ANK2: variants seen among roughly 807,000 people sequenced by gnomAD.
The protein encoded by ANK2 is ankyrin 2, also known as ankyrin-2.
In ANK2, 83 loss-of-function variants were observed where a neutral mutation model predicts 360.5. That is an observed-to-expected ratio of 0.23 (90% CI 0.19 to 0.28). ANK2 has a LOEUF of 0.28. ANK2 is among the 10% of genes least tolerant of loss of function. ANK2 has a pLI of 1.00. For synonymous variants in ANK2, 1,740 were observed against 1,759.5 expected, an observed-to-expected ratio of 0.99 and a Z score of 0.28; for missense variants, 4,201 against 4,795.7, an observed-to-expected ratio of 0.88 and a Z score of 3.66.
chr4:112,818,646 C>A (rs2056067223), intron 1 of ANK2, among the ~76,000 whole-genome samples: 1 of 152,092 alleles, frequency 6.6e-6, no homozygotes, highest in Non-Finnish European at 1.5e-5. Context: ...CAGAATACTG[C>A]TTGTGTTAAG....
chr4:113,042,619 G>T lies in ANK2; in HGVS notation c.22-131797G>T, dbSNP rs181114765. ...ACACTGAGAGTCTATGGACAAACAT[G>T]CTTGCTGATACTTTTAGGCCTAGGA... On this transcript the variant is annotated intron_variant, in intron 2 of 30. Coordinates refer to the ANK2 transcript ENST00000503271. Among the ~76,000 whole-genome samples, 27 of 152,238 alleles carry T rather than the reference G, an allele frequency of 1.8e-4. No individual in the cohort carries two copies. The East Asian group carries it at 5.0e-3, about 28-fold the overall frequency.
At chr4:112,945,443 C>A (rs1432584796) in intron 2 of ANK2, among the ~76,000 whole-genome samples, 2 of 152,150 alleles carry the variant, frequency 1.3e-5, no homozygotes, top group Non-Finnish European at 2.9e-5. Context: ...CATAGTGCCT[C>A]ATTACAAAAA....
At chr4:113,366,728 C>A (rs1231356869) in intron 41 of ANK2, among the ~76,000 whole-genome samples, 2 of 152,310 alleles carry the variant, frequency 1.3e-5, no homozygotes, top group Middle Eastern at 3.4e-3. Context: ...CCTTTCCTGA[C>A]AAGTCTATTT....
In ANK2 at chr4:112,881,831, C is replaced by CT. The variant is rs546263070; in HGVS notation, c.-39-22619dup. The CT allele has an allele frequency of 6.2e-4, 578 of 937,914 alleles. 10 individuals carry two copies. The South Asian group carries it at 7.6e-3, about 12-fold the overall frequency. 58.1% of individuals were successfully genotyped at this position (937,914 alleles called of 1,614,324 possible). On this transcript the variant is annotated intron_variant, in intron 1 of 30. Transcript: ENST00000503271. ...CTTCTTTAATGCCACCAACAAATAT[C>CT]TTTTTCACAGTTAAGTGGGCACCGG...
At chr4:113,336,188 A>T (rs1588492921) in intron 30 of ANK2, 131 bp downstream of exon 30, 1 of 995,864 alleles carries the variant, frequency 1.0e-6, no homozygotes, top group African/African-American at 1.6e-5. Context: ...TGGTAAAGCT[A>T]AAGTCAAAAT....
At chr4:112,850,053 T>G (rs2064294218) in intron 1 of ANK2, among the ~76,000 whole-genome samples, 1 of 152,086 alleles carries the variant, frequency 6.6e-6, no homozygotes, top group African/African-American at 2.4e-5. Flanking sequence ...GCCTTTGGAT[T>G]TCAAGATTTA....
At chr4:113,094,310 C>A (rs994812249) in intron 1 of ANK2, among the ~76,000 whole-genome samples, 1 of 152,080 alleles carries the variant, frequency 6.6e-6, no homozygotes, top group Non-Finnish European at 1.5e-5. Context: ...GCATCAGATT[C>A]ATAAATAAAT....
At chr4:112,894,939 A>C (rs2081296096) in intron 1 of ANK2, among the ~76,000 whole-genome samples, 1 of 152,160 alleles carries the variant, frequency 6.6e-6, no homozygotes, top group African/African-American at 2.4e-5. Flanking sequence ...ACTATAACTA[A>C]TAAGTGGTAA....
the ANK2 span, chr4:112,797,200 T>C: frequency 1.0e-4 from 16 of 159,196 alleles, no homozygotes; most frequent in African/African-American, 3.8e-4. Context: ...CCAAATCATC[T>C]TTGACTGCAC....
intron 1 of ANK2, among the ~76,000 whole-genome samples, chr4:113,054,921 A>G (rs918582786): frequency 7.9e-5 from 12 of 152,160 alleles, no homozygotes; most frequent in Non-Finnish European, 2.9e-5. Context: ...TAACTAATTT[A>G]TCCTTTTTAG....
At chr4:112,772,915 G>T in the ANK2 span, among the ~76,000 whole-genome samples, 2 of 152,182 alleles carry the variant, frequency 1.3e-5, no homozygotes, top group Admixed American at 6.5e-5. Flanking sequence ...GGCTGTACAA[G>T]AATTATGTGG....
chr4:113,000,570 A>G (rs983538118), intron 2 of ANK2, among the ~76,000 whole-genome samples: 4 of 152,084 alleles, frequency 2.6e-5, no homozygotes, highest in African/African-American at 9.7e-5. Flanking sequence ...TTTATGGAGG[A>G]AGATAATCCG....
the ANK2 span, among the ~76,000 whole-genome samples, chr4:112,756,531 A>G: frequency 6.6e-6 from 1 of 152,222 alleles, no homozygotes; most frequent in Non-Finnish European, 1.5e-5. Context: ...CTGGTATCCA[A>G]GTACTTGCTA....
intron 1 of ANK2, among the ~76,000 whole-genome samples, chr4:113,072,292 T>C (rs546939620): frequency 5.8e-4 from 89 of 152,312 alleles, no homozygotes; most frequent in Middle Eastern, 6.8e-3. Context: ...TTTGTAACAA[T>C]TTTTATGTCC....
chr4:113,348,661 T>TA (rs2095155680), intron 36 of ANK2, among the ~76,000 whole-genome samples: 1 of 152,132 alleles, frequency 6.6e-6, no homozygotes, highest in East Asian at 1.9e-4. Context: ...TAATTAAATG[T>TA]CTTAGTACAT....
At chr4:112,912,753 GT>G (rs1170310627) in intron 2 of ANK2, among the ~76,000 whole-genome samples, 2 of 151,886 alleles carry the variant, frequency 1.3e-5, no homozygotes, top group African/African-American at 4.8e-5. Context: ...TAATTTTTAG[GT>G]TCTAGTCCCA....
At chr4:113,251,354 C>T (rs182175114) in intron 10 of ANK2, among the ~76,000 whole-genome samples, 27 of 151,250 alleles carry the variant, frequency 1.8e-4, no homozygotes, top group African/African-American at 6.3e-4. Flanking sequence ...TAAAGTGTCT[C>T]TGAGTGTACA....
the ANK2 span, among the ~76,000 whole-genome samples, chr4:112,760,808 C>CTTTT: frequency 7.2e-6 from 1 of 138,294 alleles, no homozygotes; most frequent in African/African-American, 2.7e-5. Context: ...TCTTCTTCTT[C>CTTTT]TTTTTTTTTT....
At chr4:113,166,402 A>T (rs929495561) in intron 1 of ANK2, among the ~76,000 whole-genome samples, 6 of 151,994 alleles carry the variant, frequency 3.9e-5, no homozygotes, top group Non-Finnish European at 1.5e-5. Context: ...ATTCTTCAAA[A>T]ATGAGCGTAT....
Sources: gnomAD v4.1 joint callset for allele counts (sites outside exome capture counted in the v4.1 genomes callset) on GRCh38, gnomAD v4.1.1 for gene constraint, MANE v1.5 for transcripts, NCBI Gene and HGNC (gene_info 2026-07-23, HGNC 2026-07-21) for gene names.